Variants in P2RX3 observed in about 807,000 individuals in gnomAD.
P2RX3 encodes purinergic receptor P2X 3, also known as P2X purinoceptor 3.
A neutral mutation model predicts 51.5 loss-of-function variants in P2RX3; 41 were observed. That is an observed-to-expected ratio of 0.80 (90% CI 0.62 to 1.03). The LOEUF (loss-of-function observed/expected upper bound fraction) is 1.03, where lower values mean the gene tolerates loss of function less well. P2RX3 is among the 50% of genes least tolerant of loss of function. P2RX3 has a pLI of 0.00. For synonymous variants in P2RX3, 185 were observed against 191.6 expected (o/e 0.97, Z 0.29); for missense variants, 459 against 522.1 (o/e 0.88, Z 1.18).
At chr11:57,350,618 T>C (rs1856529103) in intron 7 of P2RX3, 144 bp from the exon 8 acceptor site, 2 of 1,121,242 alleles carry the variant, frequency 1.8e-6, no homozygotes, top group Non-Finnish European at 1.3e-6. Flanking sequence ...ATATGACATG[T>C]CACTTTCCGT....
intron 3 of P2RX3, 69 bp downstream of exon 3, chr11:57,347,256 G>A (rs1856454321): frequency 1.9e-6 from 3 of 1,556,212 alleles, no homozygotes; most frequent in African/African-American, 1.4e-5. Flanking sequence ...GGGAGCAGTG[G>A]CAGGGAGGTA....
chr11:57,349,955 A>G, intron 7 of P2RX3, 57 bp downstream of exon 7: 1 of 1,605,680 alleles, frequency 6.2e-7, no homozygotes, highest in Admixed American at 1.7e-5. Flanking sequence ...GCCCTTTCCC[A>G]GATTTCAGGG....
upstream of P2RX3, chr11:57,338,270 G>T (rs1341767953): frequency 3.4e-5 from 9 of 263,746 alleles, no homozygotes; most frequent in Non-Finnish European, 6.6e-5. Flanking sequence ...AGGAGCCCAG[G>T]ATTGGAGACC....
rs764865566 is a variant in P2RX3 at position 57,350,761 on chromosome 11, G to C, written c.706-1G>C. 21 of 1,613,550 alleles carry C rather than the reference G, an allele frequency of 1.3e-5. No homozygotes were observed. Among genetic ancestry groups the C allele is most frequent in the Non-Finnish European group, 1.6e-5 (19 of 1,179,840 alleles). Reference sequence around the variant, plus strand: ...AGCTCATACCCGGCCCGTTTCTTCAGGGGGGAGTTCTGGGCATTAAGATCG... The same window carrying C: ...AGCTCATACCCGGCCCGTTTCTTCACGGGGGAGTTCTGGGCATTAAGATCG... On this transcript the variant is annotated splice_acceptor_variant, in intron 7 of 11. Transcript: ENST00000263314. LOFTEE classifies it high-confidence loss of function.
chr11:57,337,366 A>C (rs562635158), upstream of P2RX3, among the ~76,000 whole-genome samples: 1 of 117,878 alleles, frequency 8.5e-6, no homozygotes, highest in Non-Finnish European at 1.9e-5. Context: ...AAAAAAAAAC[A>C]GAAAAAAAAA....
chr11:57,368,064 G>A lies in P2RX3; in HGVS notation c.898G>A (p.Ala300Thr). 1 of 1,614,162 alleles carries A rather than the reference G, an allele frequency of 6.2e-7. No individual in the cohort carries two copies. Among genetic ancestry groups the A allele is most frequent in the Non-Finnish European group, 8.5e-7 (1 of 1,180,038 alleles). ...CAGTGAGTACCGCACCCTCCTGAAG[G>A]CTTTTGGCATCCGCTTCGACGTGCT... ...NGSEYRTLLK[A>T]FGIRFDVLVY... Residue 300 changes from alanine to threonine, a missense_variant, in exon 9 of 12, where the codon GCT (alanine) becomes ACT (threonine). By Grantham distance (58) the Ala-to-Thr change is moderately conservative (BLOSUM62 0). Coordinates refer to ENST00000263314, the MANE Select transcript of P2RX3 (RefSeq NM_002559.5).
chr11:57,364,866 C>T (rs1175462218), intron 8 of P2RX3, among the ~76,000 whole-genome samples: 1 of 152,200 alleles, frequency 6.6e-6, no homozygotes, highest in Admixed American at 6.5e-5. Flanking sequence ...CTTTCTGCTG[C>T]CTTCCAAGGT....
chr11:57,344,925 G>C (rs1361434303), intron 1 of P2RX3, among the ~76,000 whole-genome samples: 3 of 152,108 alleles, frequency 2.0e-5, no homozygotes, highest in African/African-American at 4.8e-5. Flanking sequence ...GGGAGCTGCT[G>C]CTGTTTGCAT....
At position 57,346,578 on chromosome 11, in the gene P2RX3, CG is replaced by C. The variant is rs1276642928; in HGVS notation, c.157del (p.Asp53ThrfsTer9). On this transcript the variant is annotated frameshift_variant, in exon 2 of 12. Transcript: ENST00000263314. LOFTEE classifies it high-confidence loss of function. The stretch of plus-strand genomic sequence containing the variant: ...CTTGCACGAGAAGGCTTACCAGGTA[CG>C]GGACACAGCCATTGAGTCCTCGGTG... ...VFLHEKAYQV[R>X]DTAIESSVVT... The C allele has an allele frequency of 5.0e-6, 8 of 1,614,012 alleles. No homozygotes were observed. The highest frequency in any genetic ancestry group is 5.9e-6 in the Non-Finnish European group (7 of 1,180,040).
At chr11:57,351,045 T>C (rs1856539911) in intron 8 of P2RX3, 147 bp downstream of exon 8, 2 of 1,165,460 alleles carry the variant, frequency 1.7e-6, no homozygotes, top group Non-Finnish European at 2.4e-6. Flanking sequence ...GGAAGGACTC[T>C]CTAACAGCCA....
At chr11:57,362,683 C>T (rs1229587008) in intron 8 of P2RX3, among the ~76,000 whole-genome samples, 2 of 152,200 alleles carry the variant, frequency 1.3e-5, no homozygotes, top group Non-Finnish European at 2.9e-5. Flanking sequence ...TGCCTGGGTT[C>T]GAATCCCAGC....
intron 1 of P2RX3, among the ~76,000 whole-genome samples, chr11:57,345,201 A>C (rs1856409901): frequency 6.6e-6 from 1 of 152,172 alleles, no homozygotes; most frequent in Non-Finnish European, 1.5e-5. Context: ...TCTGGGCTAC[A>C]CAGTCTCAAA....
chr11:57,347,679 A>G (rs1373719416), intron 4 of P2RX3, among the ~76,000 whole-genome samples: 2 of 152,078 alleles, frequency 1.3e-5, no homozygotes, highest in African/African-American at 4.8e-5. Context: ...CCAGTCTAGG[A>G]TGGTGGTGAC....
At chr11:57,349,538 A>G (rs1303361570) in intron 6 of P2RX3, among the ~76,000 whole-genome samples, 1 of 151,822 alleles carries the variant, frequency 6.6e-6, no homozygotes, top group African/African-American at 2.4e-5. Flanking sequence ...GCAGCTGGAG[A>G]TTAGTCACCG....
At chr11:57,340,495 A>G (rs561259396) in intron 1 of P2RX3, 1 of 152,332 alleles carries the variant, frequency 6.6e-6, no homozygotes, top group African/African-American at 2.4e-5. Context: ...CCTGAGTCCC[A>G]TCTCCGTGTA....
At position 57,369,512 on chromosome 11, in the gene P2RX3, G is replaced by A. The variant is rs537899498; in HGVS notation, c.1080+74G>A. ...CAGGCAGGGGCAGGGACTCTCAGTG[G>A]CTCCCCTTCTGAGGCCTTCTGAAGG... is the stretch of plus-strand genomic sequence containing the variant. On this transcript the variant is annotated intron_variant, in intron 11 of 11. Coordinates refer to ENST00000263314, the MANE Select transcript of P2RX3 (RefSeq NM_002559.5). 177 of 1,425,256 alleles carry A rather than the reference G, an allele frequency of 1.2e-4. 1 individual carries two copies. The South Asian group carries it at 2.2e-3, about 18-fold the overall frequency. 88.3% of individuals were successfully genotyped at this position (1,425,256 alleles called of 1,614,324 possible). A position where few individuals can be genotyped will look rare whatever the true frequency, so the allele number is the denominator to read the frequency against.
intron 4 of P2RX3, 32 bp from the exon 5 acceptor site, chr11:57,348,138 C>T: frequency 6.6e-7 from 1 of 1,516,410 alleles, no homozygotes; most frequent in Non-Finnish European, 9.0e-7. Flanking sequence ...AAAGGGCAGG[C>T]AGCCACCCAG....
At position 57,371,500 on chromosome 11, in the gene P2RX3, G is replaced by T. The variant is rs749833855; in HGVS notation, c.*1503G>T. On this transcript the variant is annotated 3_prime_UTR_variant, in exon 12 of 12. Coordinates refer to ENST00000263314, the MANE Select transcript of P2RX3 (RefSeq NM_002559.5). ...GGCCCCTCAACACACGGCACAGGAA[G>T]TGGGGAAGGGACAGCTTCAGGAGTA... Among the ~76,000 whole-genome samples, 33 of 152,220 alleles carry T rather than the reference G, an allele frequency of 2.2e-4. No individual in the cohort carries two copies. Among genetic ancestry groups the T allele is most frequent in the Non-Finnish European group, 3.5e-4 (24 of 68,036 alleles).
chr11:57,344,886 A>G (rs1043532041), intron 1 of P2RX3, among the ~76,000 whole-genome samples: 4 of 138,370 alleles, frequency 2.9e-5, no homozygotes, highest in Admixed American at 8.0e-5. Flanking sequence ...TGTCCAAACT[A>G]TAAGTGGCTG....
Sources: allele counts gnomAD v4.1 joint callset (sites outside exome capture counted in the v4.1 genomes callset), GRCh38; gene constraint gnomAD v4.1.1; transcripts MANE v1.5; gene names NCBI Gene and HGNC (gene_info 2026-07-23, HGNC 2026-07-21).